The following VWDE variants were observed in gnomAD, a reference collection of about 807,000 sequenced individuals.
VWDE encodes von Willebrand factor D and EGF domain-containing protein.
VWDE carries 207 observed loss-of-function variants against 178.4 expected under a neutral mutation model. The ratio of observed to expected loss-of-function variants is 1.16; its 90% CI spans 1.04 to 1.30. VWDE has a LOEUF of 1.30. Ranked by LOEUF, VWDE falls within the 50% of genes most tolerant of loss-of-function variation. VWDE has a pLI of 0.00. For synonymous variants in VWDE, 738 were observed against 651.4 expected (o/e 1.13, Z -2.02); for missense variants, 2,287 against 1,901.3 (o/e 1.20, Z -3.77).
intron 24 of VWDE, among the ~76,000 whole-genome samples, chr7:12,338,504 G>A (rs1348303764): frequency 6.6e-6 from 1 of 151,972 alleles, no homozygotes; most frequent in Non-Finnish European, 1.5e-5. Context: ...GCGTAATCTT[G>A]CTATAATTAA....
intron 19 of VWDE, among the ~76,000 whole-genome samples, chr7:12,350,157 T>C (rs1781849387): frequency 6.6e-6 from 1 of 151,418 alleles, no homozygotes; most frequent in South Asian, 2.1e-4. Context: ...ATATAGTCAA[T>C]ATATTTGTGA....
Position 12,357,292 on chromosome 7 carries a change from G to T in VWDE, c.3498C>A (p.Cys1166Ter). ...QQITVRLNDDCDAETRVTIEV... is the reference protein window; with the variant it reads ...QQITVRLNDD The stretch of plus-strand genomic sequence containing the variant: ...CAATCGTGACTCTAGTTTCAGCATC[G>T]CAGTCATCATTAAGGCGTACAGTAA... The change falls in exon 17 of 29, where the codon TGC (cysteine) becomes TGA (stop). Residue 1166 changes from cysteine to a stop codon, truncating the protein, a stop_gained. Transcript: ENST00000275358. LOFTEE classifies it high-confidence loss of function. The T allele has an allele frequency of 1.9e-6, 3 of 1,552,128 alleles. No homozygotes were observed. The highest frequency in any genetic ancestry group is 2.6e-6 in the Non-Finnish European group (3 of 1,147,088).
rs192324668 is a variant in VWDE, at chr7:12,362,488, T to A, written c.2899-967A>T. ...ACACTTTTAGTATTGTTTTTCAGTATGAAAATGCACTGGTCCCAAAAGAAG... is the reference window on the plus strand; with the variant it reads ...ACACTTTTAGTATTGTTTTTCAGTAAGAAAATGCACTGGTCCCAAAAGAAG... On this transcript the variant is annotated intron_variant, in intron 13 of 28. Transcript: ENST00000275358. Among the ~76,000 whole-genome samples the A allele has an allele frequency of 1.7e-3, 253 of 152,198 alleles. 1 individual carries two copies. The highest frequency in any genetic ancestry group is 5.8e-3 in the African/African-American group (240 of 41,554).
At chr7:12,391,312 C>T (rs1292801447) in intron 2 of VWDE, among the ~76,000 whole-genome samples, 5 of 152,060 alleles carry the variant, frequency 3.3e-5, no homozygotes, top group Non-Finnish European at 7.4e-5. Context: ...TGTAAGTCCA[C>T]GTGTATTAAC....
intron 10 of VWDE, 125 bp downstream of exon 10, chr7:12,372,852 T>C (rs1783281075): frequency 1.1e-6 from 1 of 888,034 alleles, no homozygotes; most frequent in African/African-American, 1.7e-5. Context: ...AAGATGATGG[T>C]TAATATAAAT....
At chr7:12,392,130 C>A (rs534484271) in intron 2 of VWDE, among the ~76,000 whole-genome samples, 1 of 152,188 alleles carries the variant, frequency 6.6e-6, no homozygotes, top group Non-Finnish European at 1.5e-5. Flanking sequence ...GGGAGAAGAT[C>A]AGGTACATGA....
chr7:12,376,981 T>C (rs895422996), intron 7 of VWDE, among the ~76,000 whole-genome samples: 1 of 152,090 alleles, frequency 6.6e-6, no homozygotes, highest in African/African-American at 2.4e-5. Context: ...AGATACCTTG[T>C]GTTTGGTATA....
chr7:12,340,781 G>C (rs538844318), intron 23 of VWDE, among the ~76,000 whole-genome samples: 39 of 152,276 alleles, frequency 2.6e-4, no homozygotes, highest in African/African-American at 8.2e-4. Flanking sequence ...TGCAAGTTAA[G>C]AGAAGACAAT....
intron 2 of VWDE, among the ~76,000 whole-genome samples, chr7:12,389,713 T>C (rs896514152): frequency 3.9e-5 from 6 of 152,144 alleles, no homozygotes; most frequent in African/African-American, 1.4e-4. Context: ...TGTTAACACA[T>C]AACACAAAGA....
chr7:12,361,347 A>T lies in VWDE; in HGVS notation c.3054+19T>A, dbSNP rs1300837962. 1 of 1,545,362 alleles carries T rather than the reference A, an allele frequency of 6.5e-7. No homozygotes were observed. Among genetic ancestry groups the T allele is most frequent in the East Asian group, 2.4e-5 (1 of 40,838 alleles). ...ATTTACTTTGTTTATAAATATGAAG[A>T]TGTCTTTTTATTTTTTACCTTCAAC... On this transcript the variant is annotated intron_variant, in intron 14 of 28. Coordinates refer to ENST00000275358, the MANE Select transcript of VWDE (RefSeq NM_001135924.3).
intron 9 of VWDE, among the ~76,000 whole-genome samples, chr7:12,373,964 A>G (rs150468181): frequency 9.9e-5 from 15 of 152,262 alleles, no homozygotes; most frequent in African/African-American, 3.6e-4. Flanking sequence ...CTCTTATAGA[A>G]CAGTCTCTAT....
chr7:12,345,934 C>G (rs754304000), intron 19 of VWDE, among the ~76,000 whole-genome samples: 10 of 152,088 alleles, frequency 6.6e-5, no homozygotes, highest in Non-Finnish European at 1.2e-4. Flanking sequence ...AGTGAATATT[C>G]TGTTGATGGT....
At chr7:12,353,124 AC>A (rs1253005658) in intron 18 of VWDE, among the ~76,000 whole-genome samples, 4 of 152,176 alleles carry the variant, frequency 2.6e-5, no homozygotes, top group Non-Finnish European at 5.9e-5. Flanking sequence ...ATAACAGAAT[AC>A]CACAGACTGC....
Position 12,356,305 on chromosome 7 carries a change from A to G in VWDE, c.3551T>C (p.Leu1184Ser). 1 of 1,551,532 alleles carries G rather than the reference A, an allele frequency of 6.4e-7. No individual in the cohort carries two copies. Among genetic ancestry groups the G allele is most frequent in the Non-Finnish European group, 8.7e-7 (1 of 1,146,932 alleles). ...ATCAGATACACATGATCCACCATTC[A>G]AGCAATCACAAGACTTCACAGTCAC... ...IEVTVKSCDC[L>S]NGGSCVSDRN... is the part of the protein sequence containing the mutation. The change falls in exon 18 of 29, where the codon TTG becomes TCG. Residue 1184 changes from leucine (L) to serine (S), a missense_variant. By Grantham distance (145) the Leu-to-Ser change is moderately radical. Transcript: ENST00000275358.
At chr7:12,355,659 A>T (rs538596266) in intron 18 of VWDE, among the ~76,000 whole-genome samples, 1 of 152,170 alleles carries the variant, frequency 6.6e-6, no homozygotes, top group South Asian at 2.1e-4. Context: ...AGGGCAATTA[A>T]TGAGTTAGTA....
chr7:12,394,088 T>C (rs998560021), intron 1 of VWDE, among the ~76,000 whole-genome samples: 1 of 152,198 alleles, frequency 6.6e-6, no homozygotes, highest in Admixed American at 6.5e-5. Flanking sequence ...AGTTAGGATG[T>C]CAAGTCACAG....
intron 1 of VWDE, 32 bp downstream of exon 1, chr7:12,403,627 G>C: frequency 6.5e-7 from 1 of 1,529,556 alleles, no homozygotes; most frequent in South Asian, 1.2e-5. Flanking sequence ...GCGCCACTGC[G>C]CGCCCACCCC....
intron 16 of VWDE, 136 bp downstream of exon 16, chr7:12,359,442 A>G (rs866663741): frequency 1.8e-6 from 1 of 560,486 alleles, no homozygotes; most frequent in Middle Eastern, 4.9e-4. Flanking sequence ...CCTCAACGTA[A>G]ATTTTGCAGT....
At chr7:12,389,794 G>A (rs1784295666) in intron 2 of VWDE, among the ~76,000 whole-genome samples, 2 of 152,168 alleles carry the variant, frequency 1.3e-5, no homozygotes, top group African/African-American at 4.8e-5. Flanking sequence ...GCATAGTTCA[G>A]GAGGCAATAA....
Sources: gnomAD v4.1 joint callset for allele counts (sites outside exome capture counted in the v4.1 genomes callset) on GRCh38, gnomAD v4.1.1 for gene constraint, MANE v1.5 for transcripts, NCBI Gene and HGNC (gene_info 2026-07-23, HGNC 2026-07-21) for gene names.